GALNT15: variants seen among roughly 807,000 people sequenced by gnomAD.
The protein encoded by GALNT15 is UDP-GalNAc transferase T15.
In GALNT15, 67 loss-of-function variants were observed where a neutral mutation model predicts 66.8. The ratio of observed to expected loss-of-function variants is 1.00; its 90% confidence interval spans 0.82 to 1.23. GALNT15 has a LOEUF of 1.23. GALNT15 is among the 50% of genes most tolerant of loss of function. The pLI, the probability that GALNT15 is intolerant of heterozygous loss-of-function variation, is 0.00. For synonymous variants in GALNT15, 313 were observed against 311.5 expected, an observed-to-expected ratio of 1.00 and a Z score of -0.05; for missense variants, 827 against 804.3, an observed-to-expected ratio of 1.03 and a Z score of -0.34.
intron 2 of GALNT15, among the ~76,000 whole-genome samples, chr3:16,196,325 A>G (rs1032529953): frequency 2.0e-5 from 3 of 152,158 alleles, no homozygotes; most frequent in Non-Finnish European, 4.4e-5. Context: ...AGCACTTTAC[A>G]CATACGCACA....
Position 16,222,628 on chromosome 3 carries a change from C to T in GALNT15, c.1643C>T (p.Thr548Ile), listed in dbSNP as rs767073701. Reference sequence around the variant, plus strand: ...CTTCTGTCACAGTACCTGCAGCACACCAGCAGGAAGGAGATTCACTTTGGC... The same window carrying T: ...CTTCTGTCACAGTACCTGCAGCACATCAGCAGGAAGGAGATTCACTTTGGC... ...DSRQQQYLQH[T>I]SRKEIHFGSP... The change falls in exon 9 of 10, where the codon ACC becomes ATC. Residue 548 changes from threonine (T) to isoleucine (I), a missense_variant. Transcript: ENST00000339732. 3.1e-6 allele frequency: 5 copies of T among 1,614,100 alleles called. No individual in the cohort carries two copies. Among genetic ancestry groups the T allele is most frequent in the Middle Eastern group, 3.3e-4 (2 of 6,084 alleles).
chr3:16,219,268 C>A lies in GALNT15; in HGVS notation c.1393-135C>A, dbSNP rs73818324. 2 of 1,066,374 alleles carry A rather than the reference C, an allele frequency of 1.9e-6. No homozygotes were observed. Among genetic ancestry groups the A allele is most frequent in the South Asian group, 1.5e-5 (1 of 67,258 alleles). The allele number at this position is 1,066,374 out of a possible 1,614,324, so 66.1% of individuals were successfully genotyped here. ...AACACATGACCCTCCCCACTGCAGC[C>A]CTGGAGAACTGTGGTCTTGGCCCCT... On this transcript the variant is annotated intron_variant, in intron 6 of 9. Transcript: ENST00000339732. The surrounding 1 kb of genome is among the most constrained non-coding windows in gnomAD (Gnocchi z 4.3).
intron 9 of GALNT15, among the ~76,000 whole-genome samples, chr3:16,223,321 C>T (rs2063968020): frequency 6.6e-6 from 1 of 152,088 alleles, no homozygotes; most frequent in Admixed American, 6.5e-5. Context: ...GAGGAATGTC[C>T]GTACTTAAGG....
rs1178497094 is a variant in GALNT15, at chr3:16,229,078, G to C, written c.*1578G>C. 2 of 985,298 alleles carry C rather than the reference G, an allele frequency of 2.0e-6. No individual in the cohort carries two copies. Among genetic ancestry groups the C allele is most frequent in the Non-Finnish European group, 2.4e-6 (2 of 829,930 alleles). The allele number at this position is 985,298 out of a possible 1,614,324, so 61.0% of individuals were successfully genotyped here. ...AGTTACCTACCTTTCCACATGGTCA[G>C]CTTAGAAATCTTCCCCTAAAGATGC... On this transcript the variant is annotated 3_prime_UTR_variant, in exon 10 of 10. Coordinates refer to ENST00000339732, the MANE Select transcript of GALNT15 (RefSeq NM_054110.5).
In GALNT15 at chr3:16,180,510, T is replaced by C. The variant is rs753132961; in HGVS notation, c.539+4820T>C. On this transcript the variant is annotated intron_variant, in intron 1 of 9. Transcript: ENST00000339732. The surrounding 1 kb of genome is among the most constrained non-coding windows in gnomAD (Gnocchi z 5.0). ...TATGTGCACACCCAACCCCCCTATA[T>C]TGCTTGTTAAAAAGACGTAGATGTT... 3.0e-4 allele frequency among the ~76,000 whole-genome samples: 45 copies of C among 151,778 alleles called. No individual in the cohort carries two copies. The highest frequency in any genetic ancestry group is 5.6e-4 in the Non-Finnish European group (38 of 67,962).
In GALNT15 at chr3:16,191,088, C is replaced by T. The variant is rs1339991716; in HGVS notation, c.540-4672C>T. Among the ~76,000 whole-genome samples, 1 of 152,184 alleles carries T rather than the reference C, an allele frequency of 6.6e-6. No individual in the cohort carries two copies. Among genetic ancestry groups the T allele is most frequent in the Non-Finnish European group, 1.5e-5 (1 of 68,036 alleles). ...CTCTTAGCAGCCTGTTTAGTTTATC[C>T]CACTCACACTCCCTGCCCATCCATT... On this transcript the variant is annotated intron_variant, in intron 1 of 9. Coordinates refer to ENST00000339732, the MANE Select transcript of GALNT15 (RefSeq NM_054110.5). This position sits in a 1 kb window ranked among gnomAD's most constrained non-coding sequence, Gnocchi z 5.2.
the GALNT15 span, among the ~76,000 whole-genome samples, chr3:16,237,861 C>T: frequency 2.6e-5 from 4 of 152,208 alleles, no homozygotes; most frequent in African/African-American, 9.7e-5. This position sits in a 1 kb window ranked among gnomAD's most constrained non-coding sequence, Gnocchi z 4.2. Flanking sequence ...AATATCCCCT[C>T]ACAGACTGGT....
chr3:16,205,779 A>G (rs1469293787), intron 3 of GALNT15, among the ~76,000 whole-genome samples: 1 of 152,232 alleles, frequency 6.6e-6, no homozygotes, highest in Non-Finnish European at 1.5e-5. Flanking sequence ...ACTGTGGTCC[A>G]TGGGAATAAA....
At position 16,188,312 on chromosome 3, in the gene GALNT15, G is replaced by C. The variant is rs143518825; in HGVS notation, c.540-7448G>C. The stretch of plus-strand genomic sequence containing the variant: ...TGGCACAAAATGGCAGCCATAGGTC[G>C]TGTCCCATCACAGACATGTTTGTTT... On this transcript the variant is annotated intron_variant, in intron 1 of 9. Transcript: ENST00000339732. This position sits in a 1 kb window ranked among gnomAD's most constrained non-coding sequence, Gnocchi z 4.6. Among the ~76,000 whole-genome samples, 6 of 152,238 alleles carry C rather than the reference G, an allele frequency of 3.9e-5. No homozygotes were observed. Among genetic ancestry groups the C allele is most frequent in the Admixed American group, 1.3e-4 (2 of 15,290 alleles).
intron 1 of GALNT15, among the ~76,000 whole-genome samples, chr3:16,177,537 T>G (rs2063422944): frequency 6.6e-6 from 1 of 152,254 alleles, no homozygotes; most frequent in Non-Finnish European, 1.5e-5. Flanking sequence ...GGTGCCTATA[T>G]GCTTGGTGCA....
intron 2 of GALNT15, among the ~76,000 whole-genome samples, chr3:16,199,772 T>G (rs2063679490): frequency 6.6e-6 from 1 of 152,132 alleles, no homozygotes; most frequent in Non-Finnish European, 1.5e-5. Context: ...TGACCATGAC[T>G]GGGGCTGGGG....
In GALNT15 at chr3:16,211,068, C is replaced by T. The variant is rs1043400355; in HGVS notation, c.1080-56C>T. 82 of 1,325,406 alleles carry T rather than the reference C, an allele frequency of 6.2e-5. No individual in the cohort carries two copies. Among genetic ancestry groups the T allele is most frequent in the Non-Finnish European group, 7.9e-5 (73 of 919,962 alleles). The allele number at this position is 1,325,406 out of a possible 1,614,324, so 82.1% of individuals were successfully genotyped here. Reference sequence around the variant, plus strand: ...CCTGGGAAGCCCCAGCCCCCAGCCTCGCCTGCTGTGCTCTGGGTTCTGAAC... The same window carrying T: ...CCTGGGAAGCCCCAGCCCCCAGCCTTGCCTGCTGTGCTCTGGGTTCTGAAC... On this transcript the variant is annotated intron_variant, in intron 4 of 9. Transcript: ENST00000339732. This position sits in a 1 kb window ranked among gnomAD's most constrained non-coding sequence, Gnocchi z 4.3.
chr3:16,192,687 G>T (rs1224689752), intron 1 of GALNT15, among the ~76,000 whole-genome samples: 1 of 152,326 alleles, frequency 6.6e-6, no homozygotes, highest in East Asian at 1.9e-4. Context: ...GAGAATGAAG[G>T]GGGTGAAAGA....
At chr3:16,216,591 G>C (rs2063881236) in intron 6 of GALNT15, among the ~76,000 whole-genome samples, 5 of 152,174 alleles carry the variant, frequency 3.3e-5, no homozygotes, top group Admixed American at 3.3e-4. Context: ...TCAATTAAGT[G>C]CGCAGTTTGA....
Position 16,175,431 on chromosome 3 carries a change from C to T in GALNT15, c.280C>T (p.Gln94Ter), listed in dbSNP as rs763752313. ...ACCCTTTATCTCACTGCGGGAGGAT[C>T]AGCTGCTGGTGGCCGTGGCCTTACC... ...LPPFISLRED[Q>*]LLVAVALPQA... The change falls in exon 1 of 10, where the codon CAG (glutamine) becomes TAG (stop). Residue 94 changes from glutamine to a stop codon, truncating the protein, a stop_gained. Coordinates refer to ENST00000339732, the MANE Select transcript of GALNT15 (RefSeq NM_054110.5). LOFTEE classifies it high-confidence loss of function. The surrounding 1 kb of genome is among the most constrained non-coding windows in gnomAD (Gnocchi z 5.6). 5 of 1,614,186 alleles carry T rather than the reference C, an allele frequency of 3.1e-6. No homozygotes were observed. The highest frequency in any genetic ancestry group is 2.2e-5 in the South Asian group (2 of 91,082).
intron 6 of GALNT15, among the ~76,000 whole-genome samples, chr3:16,215,358 C>G (rs1048131142): frequency 1.2e-4 from 19 of 152,252 alleles, no homozygotes; most frequent in African/African-American, 4.1e-4. Flanking sequence ...TGTATTCACC[C>G]AAGTCCTTCA....
the GALNT15 span, among the ~76,000 whole-genome samples, chr3:16,241,155 T>C: frequency 6.6e-6 from 1 of 152,208 alleles, no homozygotes; most frequent in Non-Finnish European, 1.5e-5. This position sits in a 1 kb window ranked among gnomAD's most constrained non-coding sequence, Gnocchi z 4.6. Context: ...CCACTTTGTG[T>C]TAAAATTATC....
chr3:16,235,144 C>T (rs1043429834), downstream of GALNT15, among the ~76,000 whole-genome samples: 43 of 152,086 alleles, frequency 2.8e-4, no homozygotes, highest in African/African-American at 8.9e-4. Flanking sequence ...AGGATGGTCT[C>T]GATCTCCTGA....
chr3:16,229,264 G>A lies in GALNT15; in HGVS notation c.*1764G>A, dbSNP rs576909541. ...TTTCTCCTTCCTCAGAATACACTCT[G>A]GACCTGTGCTGTCTAATATGGTAGC... is the stretch of plus-strand genomic sequence containing the variant. On this transcript the variant is annotated 3_prime_UTR_variant, in exon 10 of 10. Coordinates refer to ENST00000339732, the MANE Select transcript of GALNT15 (RefSeq NM_054110.5). The A allele has an allele frequency of 1.0e-5, 10 of 984,196 alleles. No individual in the cohort carries two copies. The South Asian group carries it at 3.8e-4, about 37-fold the overall frequency. The allele number at this position is 984,196 out of a possible 1,614,324, so 61.0% of individuals were successfully genotyped here.
Sources: gnomAD v4.1 joint callset for allele counts (sites outside exome capture counted in the v4.1 genomes callset) on GRCh38, gnomAD v4.1.1 for gene constraint, Gnocchi (gnomAD v3.1) non-coding constraint, MANE v1.5 for transcripts, NCBI Gene and HGNC (gene_info 2026-07-23, HGNC 2026-07-21) for gene names.